The following CSNK1A1 variants were observed in gnomAD, a reference collection of about 807,000 sequenced individuals.
CSNK1A1 encodes casein kinase I isoform alpha.
A neutral mutation model predicts 46.1 loss-of-function variants in CSNK1A1; 7 were observed. That is an observed-to-expected ratio of 0.15 (90% CI 0.09 to 0.29). The LOEUF (loss-of-function observed/expected upper bound fraction) is 0.29, where lower values mean the gene tolerates loss of function less well. CSNK1A1 is among the 10% of genes least tolerant of loss of function. The pLI is 1.00. For missense variants in CSNK1A1, 96 were observed against 417.1 expected, an observed-to-expected ratio of 0.23 and a Z score of 6.71; for synonymous variants, 137 against 141.5, an observed-to-expected ratio of 0.97 and a Z score of 0.23.
In CSNK1A1 at chr5:149,495,850, G is replaced by A. The variant is rs1199651913; in HGVS notation, c.*1003C>T. ...AAAAAAAGAGGAAAAGTTATAACAC[G>A]AAACCTAAATTGACTTGCAAAGGAA... On this transcript the variant is annotated 3_prime_UTR_variant, in exon 10 of 10. Coordinates refer to ENST00000377843, the MANE Select transcript of CSNK1A1 (RefSeq NM_001892.6). The A allele has an allele frequency of 1.3e-5, 2 of 150,754 alleles. No individual in the cohort carries two copies. The highest frequency in any genetic ancestry group is 3.0e-5 in the Non-Finnish European group (2 of 67,736). 9.3% of individuals were successfully genotyped at this position (150,754 alleles called of 1,614,324 possible).
rs1311325128 is a variant in CSNK1A1 at position 149,494,932 on chromosome 5, G to A, written c.*1921C>T. 1 of 152,174 alleles carries A rather than the reference G, an allele frequency of 6.6e-6. No homozygotes were observed. The highest frequency in any genetic ancestry group is 2.4e-5 in the African/African-American group (1 of 41,446). The allele number at this position is 152,174 out of a possible 1,614,324, so 9.4% of individuals were successfully genotyped here. On this transcript the variant is annotated 3_prime_UTR_variant, in exon 10 of 10. Transcript: ENST00000377843. ...ACTGAAAAATATCTTGCTAGAGGGA[G>A]TTCAGCTTGGAAGTTATTACCAAAG...
At chr5:149,505,092 G>C in intron 9 of CSNK1A1, 7 of 999,244 alleles carry the variant, frequency 7.0e-6, no homozygotes, top group Non-Finnish European at 8.3e-6. Context: ...GTTAGGTCTA[G>C]GATTTTGGAT....
chr5:149,517,698 A>T lies in CSNK1A1; in HGVS notation c.456+2592T>A. The T allele has an allele frequency of 1.2e-6, 1 of 803,296 alleles. No homozygotes were observed. The highest frequency in any genetic ancestry group is 2.0e-6 in the Non-Finnish European group (1 of 491,078). The allele number at this position is 803,296 out of a possible 1,614,324, so 49.8% of individuals were successfully genotyped here. A position where few individuals can be genotyped will look rare whatever the true frequency, so the allele number is the denominator to read the frequency against. ...TGCTTGAGCAAGATCTACATTCTCCAGAATTAAAACAAAACAAAAATCATC... is the reference window on the plus strand; with the variant it reads ...TGCTTGAGCAAGATCTACATTCTCCTGAATTAAAACAAAACAAAAATCATC... On this transcript the variant is annotated intron_variant, in intron 4 of 9. Coordinates refer to ENST00000377843, the MANE Select transcript of CSNK1A1 (RefSeq NM_001892.6). This position sits in a 1 kb window ranked among gnomAD's most constrained non-coding sequence, Gnocchi z 4.4.
At chr5:149,545,731 C>A (rs1762458590) in intron 2 of CSNK1A1, 3 of 639,494 alleles carry the variant, frequency 4.7e-6, no homozygotes, top group Non-Finnish European at 8.4e-6. Flanking sequence ...CCTCAGGAAC[C>A]TGGAGCCCAC....
chr5:149,515,967 C>A (rs569085270), intron 4 of CSNK1A1, among the ~76,000 whole-genome samples: 4 of 152,192 alleles, frequency 2.6e-5, no homozygotes, highest in Non-Finnish European at 5.9e-5. Flanking sequence ...GTAAAATCTG[C>A]GCCCATTTTA....
intron 9 of CSNK1A1, among the ~76,000 whole-genome samples, chr5:149,500,139 T>G (rs925527850): frequency 7.6e-5 from 11 of 144,920 alleles, no homozygotes; most frequent in Admixed American, 7.5e-4. Context: ...CAGCTAATTT[T>G]TTTTTTTTTT....
chr5:149,519,734 A>G (rs1226372833), intron 4 of CSNK1A1, among the ~76,000 whole-genome samples: 1 of 152,194 alleles, frequency 6.6e-6, no homozygotes, highest in Non-Finnish European at 1.5e-5. Context: ...ACCCAAGTAA[A>G]AAACTGTCAA....
chr5:149,527,773 C>T (rs1761767749), intron 2 of CSNK1A1, among the ~76,000 whole-genome samples: 1 of 151,936 alleles, frequency 6.6e-6, no homozygotes, highest in Admixed American at 6.6e-5. Flanking sequence ...TATAATTTAC[C>T]TAGGCTTTTA....
At chr5:149,508,578 CT>C (rs1232450620) in intron 7 of CSNK1A1, among the ~76,000 whole-genome samples, 1 of 152,168 alleles carries the variant, frequency 6.6e-6, no homozygotes, top group Non-Finnish European at 1.5e-5. Context: ...ACTCAATTGC[CT>C]TTCTATGAAG....
chr5:149,497,542 C>T, intron 9 of CSNK1A1: 1 of 985,476 alleles, frequency 1.0e-6, no homozygotes, highest in Non-Finnish European at 1.2e-6. Context: ...AGGGCCTCTA[C>T]ATAGGCCCTA....
chr5:149,547,977 T>TACAGG (rs1762532878), intron 2 of CSNK1A1, among the ~76,000 whole-genome samples: 1 of 152,114 alleles, frequency 6.6e-6, no homozygotes, highest in Admixed American at 6.5e-5. Context: ...TTCAAGCTAT[T>TACAGG]CTCCTGCTTC....
chr5:149,502,370 CT>C, intron 9 of CSNK1A1: 2 of 935,826 alleles, frequency 2.1e-6, no homozygotes, highest in African/African-American at 3.5e-5. Context: ...GACACAGGGT[CT>C]CATCTGTTGC....
intron 2 of CSNK1A1, among the ~76,000 whole-genome samples, chr5:149,540,777 T>C (rs192489367): frequency 6.6e-6 from 1 of 151,962 alleles, no homozygotes; most frequent in South Asian, 2.1e-4. Context: ...CACCAACATA[T>C]GCATTTGTCA....
In CSNK1A1 at chr5:149,520,401, G is replaced by C; in HGVS notation, c.358-13C>G. ...TTCTACTGATCATCTGGAAAAAAAA[G>C]AAGGGAGAGATAATTGAGTTAAGTA... is the stretch of plus-strand genomic sequence containing the variant. On this transcript the variant is annotated splice_polypyrimidine_tract_variant and intron_variant, in intron 3 of 9. Transcript: ENST00000377843. 7.0e-7 allele frequency: 1 copy of C among 1,437,404 alleles called. No individual in the cohort carries two copies. The highest frequency in any genetic ancestry group is 9.8e-7 in the Non-Finnish European group (1 of 1,024,786). 89.0% of individuals were successfully genotyped at this position (1,437,404 alleles called of 1,614,324 possible). A position where few individuals can be genotyped will look rare whatever the true frequency, so the allele number is the denominator to read the frequency against.
At chr5:149,534,791 C>T (rs561949907) in intron 2 of CSNK1A1, among the ~76,000 whole-genome samples, 31 of 150,742 alleles carry the variant, frequency 2.1e-4, no homozygotes, top group African/African-American at 7.3e-4. Flanking sequence ...ATTAGCCAGG[C>T]GTGGTGGCAT....
chr5:149,545,550 A>G (rs1480653479), intron 2 of CSNK1A1: 10 of 677,124 alleles, frequency 1.5e-5, no homozygotes, highest in African/African-American at 5.4e-5. Context: ...TGGGGTGGAC[A>G]ATGTAGGCAA....
intron 3 of CSNK1A1, among the ~76,000 whole-genome samples, chr5:149,521,806 A>G (rs1561760996): frequency 6.6e-6 from 1 of 151,790 alleles, no homozygotes; most frequent in Non-Finnish European, 1.5e-5. Context: ...TAGTAGAGAC[A>G]GGGTTTCACC....
chr5:149,542,983 C>A (rs1036980183), intron 2 of CSNK1A1, among the ~76,000 whole-genome samples: 9 of 151,962 alleles, frequency 5.9e-5, no homozygotes, highest in African/African-American at 2.2e-4. Flanking sequence ...GTGTGAACCA[C>A]TGCGCCTGGC....
At chr5:149,510,590 C>T (rs912363525) in intron 6 of CSNK1A1, among the ~76,000 whole-genome samples, 5 of 151,962 alleles carry the variant, frequency 3.3e-5, no homozygotes, top group Non-Finnish European at 5.9e-5. Context: ...GCAATCCTCC[C>T]GGCTCAGCCT....
Sources: gnomAD v4.1 joint callset for allele counts (sites outside exome capture counted in the v4.1 genomes callset) on GRCh38, gnomAD v4.1.1 for gene constraint, Gnocchi (gnomAD v3.1) non-coding constraint, MANE v1.5 for transcripts, NCBI Gene and HGNC (gene_info 2026-07-23, HGNC 2026-07-21) for gene names.